Variants in ISM1 observed in about 807,000 individuals in gnomAD.
ISM1 encodes the protein isthmin-1.
Under a neutral mutation model 46.3 loss-of-function variants are expected in ISM1, and 25 were observed. The observed-to-expected ratio is 0.54, with a 90% CI of 0.39 to 0.75. ISM1 has a LOEUF of 0.75. ISM1 is among the 30% of genes least tolerant of loss of function. ISM1 has a pLI of 0.00. For missense variants in ISM1, 536 were observed against 625.4 expected, an observed-to-expected ratio of 0.86 and a Z score of 1.52; for synonymous variants, 255 against 256.7, an observed-to-expected ratio of 0.99 and a Z score of 0.06.
chr20:13,245,876 A>C (rs946002682), intron 1 of ISM1, among the ~76,000 whole-genome samples: 1 of 152,144 alleles, frequency 6.6e-6, no homozygotes, highest in Non-Finnish European at 1.5e-5. Flanking sequence ...TATAGGCTGC[A>C]TTTTCAGCCA....
chr20:13,298,806 T>C lies in ISM1; in HGVS notation c.878-136T>C, dbSNP rs1410621830. 6.3e-6 allele frequency: 5 copies of C among 790,184 alleles called. No individual in the cohort carries two copies. In the African/African-American group the frequency reaches 7.0e-5, roughly 11 times the overall value. The allele number at this position is 790,184 out of a possible 1,614,324, so 48.9% of individuals were successfully genotyped here. On this transcript the variant is annotated intron_variant, in intron 5 of 5. Coordinates refer to ENST00000262487, the MANE Select transcript of ISM1 (RefSeq NM_080826.2). Reference sequence around the variant, plus strand: ...GTGTCTGGCTCTAGGACAGGAGTTGTTGACTTCAGGGAGTTGTTGACTTTA... The same window carrying C: ...GTGTCTGGCTCTAGGACAGGAGTTGCTGACTTCAGGGAGTTGTTGACTTTA...
At chr20:13,281,952 C>A (rs890706168) in intron 3 of ISM1, among the ~76,000 whole-genome samples, 1 of 152,186 alleles carries the variant, frequency 6.6e-6, no homozygotes, top group African/African-American at 2.4e-5. Flanking sequence ...GTGTGGCCCC[C>A]AGAACCAGCA....
At chr20:13,273,750 A>T (rs976405326) in intron 2 of ISM1, among the ~76,000 whole-genome samples, 1 of 152,202 alleles carries the variant, frequency 6.6e-6, no homozygotes, top group African/African-American at 2.4e-5. Flanking sequence ...CTACTGTCAA[A>T]GTCAACAAAT....
rs2040440943 is a variant in ISM1 at position 13,299,610 on chromosome 20, C to T, written c.*151C>T. On this transcript the variant is annotated 3_prime_UTR_variant, in exon 6 of 6. Coordinates refer to ENST00000262487, the MANE Select transcript of ISM1 (RefSeq NM_080826.2). The surrounding 1 kb of genome is among the most constrained non-coding windows in gnomAD (Gnocchi z 5.8). The stretch of plus-strand genomic sequence containing the variant: ...TATTTCTCATACATTACGCTAGGGG[C>T]GTGTGCCACGCCCAGGGGACTGCCT... 3.9e-6 allele frequency: 3 copies of T among 763,046 alleles called. No homozygotes were observed. Among genetic ancestry groups the T allele is most frequent in the Non-Finnish European group, 2.1e-6 (1 of 487,038 alleles). 47.3% of individuals were successfully genotyped at this position (763,046 alleles called of 1,614,324 possible). A position where few individuals can be genotyped will look rare whatever the true frequency, so the allele number is the denominator to read the frequency against.
At chr20:13,310,161 G>A in the ISM1 span, among the ~76,000 whole-genome samples, 2 of 152,142 alleles carry the variant, frequency 1.3e-5, no homozygotes, top group Admixed American at 1.3e-4. Context: ...GAACAAAGCT[G>A]GAAGTATAAC....
At chr20:13,303,960 A>G (rs553783308), downstream of ISM1, among the ~76,000 whole-genome samples, 8 of 152,336 alleles carry the variant, frequency 5.3e-5, no homozygotes, top group South Asian at 1.7e-3. Flanking sequence ...TCTAAAGAGT[A>G]TGTTTCTAGC....
At chr20:13,247,517 G>GGTGTGTGTGTGTGTCTGT (rs55680207) in intron 1 of ISM1, among the ~76,000 whole-genome samples, 2,111 of 139,886 alleles carry the variant, frequency 0.015, 24 homozygotes, top group Non-Finnish European at 0.019. Flanking sequence ...CAAAGTGAGG[G>GGTGTGTGTGTGTGTCTGT]GTGTGTGTGT....
chr20:13,309,001 A>C, the ISM1 span, among the ~76,000 whole-genome samples: 2 of 152,192 alleles, frequency 1.3e-5, no homozygotes, highest in African/African-American at 4.8e-5. Flanking sequence ...AGCCTCCAGA[A>C]ATGTGAGAAA....
downstream of ISM1, among the ~76,000 whole-genome samples, chr20:13,304,267 C>T (rs933133030): frequency 6.6e-6 from 1 of 152,152 alleles, no homozygotes; most frequent in African/African-American, 2.4e-5. Flanking sequence ...GCTGCATGAG[C>T]ACCCAGTCAG....
intron 1 of ISM1, among the ~76,000 whole-genome samples, chr20:13,261,650 AC>A (rs2039991063): frequency 6.6e-6 from 1 of 152,186 alleles, no homozygotes; most frequent in Admixed American, 6.5e-5. Context: ...AGTACCCTGA[AC>A]CCTTTTCAGG....
At chr20:13,321,253 T>TAAAAAAAA in the ISM1 span, among the ~76,000 whole-genome samples, 17 of 57,506 alleles carry the variant, frequency 3.0e-4, no homozygotes, top group Admixed American at 4.1e-4. Context: ...GTGCCCCACA[T>TAAAAAAAA]AAAAAAAAAA....
chr20:13,290,795 T>C (rs925144634), intron 4 of ISM1, among the ~76,000 whole-genome samples: 1 of 152,258 alleles, frequency 6.6e-6, no homozygotes, highest in Non-Finnish European at 1.5e-5. Flanking sequence ...TTTTGTTTAA[T>C]GTTCACAATA....
rs138971147 is a variant in ISM1, at chr20:13,243,549, C to G, written c.138+21635C>G. Among the ~76,000 whole-genome samples the G allele has an allele frequency of 1.5e-3, 233 of 152,224 alleles. 1 individual carries two copies. The highest frequency in any genetic ancestry group is 5.3e-3 in the African/African-American group (221 of 41,516). ...TGTCCTCTTAGCTGTTTGTCTTATT[C>G]CTGCTTGACCTCTAGGTCTCTCTTA... On this transcript the variant is annotated intron_variant, in intron 1 of 5. Coordinates refer to ENST00000262487, the MANE Select transcript of ISM1 (RefSeq NM_080826.2).
Position 13,299,601 on chromosome 20 carries a change from C to A in ISM1, c.*142C>A. On this transcript the variant is annotated 3_prime_UTR_variant, in exon 6 of 6. Coordinates refer to ENST00000262487, the MANE Select transcript of ISM1 (RefSeq NM_080826.2). The surrounding 1 kb of genome is among the most constrained non-coding windows in gnomAD (Gnocchi z 5.8). ...CCACATGAGTATTTCTCATACATTA[C>A]GCTAGGGGCGTGTGCCACGCCCAGG... The A allele has an allele frequency of 1.2e-6, 1 of 823,142 alleles. No individual in the cohort carries two copies. The highest frequency in any genetic ancestry group is 1.9e-6 in the Non-Finnish European group (1 of 534,642). The allele number at this position is 823,142 out of a possible 1,614,324, so 51.0% of individuals were successfully genotyped here. A position where few individuals can be genotyped will look rare whatever the true frequency, so the allele number is the denominator to read the frequency against.
chr20:13,291,800 G>A (rs1478725408), intron 4 of ISM1, among the ~76,000 whole-genome samples: 1 of 152,166 alleles, frequency 6.6e-6, no homozygotes, highest in African/African-American at 2.4e-5. Context: ...GAATGAGCTA[G>A]ACAAATATTC....
chr20:13,266,033 G>C (rs1344029115), intron 1 of ISM1, among the ~76,000 whole-genome samples: 4 of 152,154 alleles, frequency 2.6e-5, no homozygotes, highest in Admixed American at 6.5e-5. Flanking sequence ...AGAGAGAAAG[G>C]CAAATGGCAA....
At chr20:13,275,920 T>C (rs6041979) in intron 2 of ISM1, among the ~76,000 whole-genome samples, 7,279 of 152,238 alleles carry the variant, frequency 0.048, 304 homozygotes, top group African/African-American at 0.1. Context: ...AAATTGAGTC[T>C]AAGTTGTGTA....
In ISM1 at chr20:13,299,222, C is replaced by T. The variant is rs776388531; in HGVS notation, c.1158C>T (p.Cys386=). Residue 386 remains cysteine, a synonymous_variant, in exon 6 of 6, where the codon TGC becomes TGT. Coordinates refer to ENST00000262487, the MANE Select transcript of ISM1 (RefSeq NM_080826.2). The surrounding 1 kb of genome is among the most constrained non-coding windows in gnomAD (Gnocchi z 5.8). The part of the protein sequence containing the change: ...ESTTLAAQHC[C]YGDNMQLITR... ...CCACGCTGGCGGCACAGCACTGCTG[C>T]TACGGCGACAACATGCAGCTCATCA... 1 of 1,600,686 alleles carries T rather than the reference C, an allele frequency of 6.2e-7. No individual in the cohort carries two copies. Among genetic ancestry groups the T allele is most frequent in the Non-Finnish European group, 8.5e-7 (1 of 1,173,602 alleles).
chr20:13,289,086 T>C (rs1391567677), intron 4 of ISM1, among the ~76,000 whole-genome samples: 3 of 152,200 alleles, frequency 2.0e-5, no homozygotes, highest in African/African-American at 7.2e-5. Context: ...ATGTAACTAC[T>C]TTTCTAATAA....
Sources: gnomAD v4.1 joint callset for allele counts (sites outside exome capture counted in the v4.1 genomes callset) on GRCh38, gnomAD v4.1.1 for gene constraint, Gnocchi (gnomAD v3.1) non-coding constraint, MANE v1.5 for transcripts, NCBI Gene and HGNC (gene_info 2026-07-23, HGNC 2026-07-21) for gene names.